The following RORA variants were observed in gnomAD, a reference collection of about 807,000 sequenced individuals.
RORA encodes the protein RAR related orphan receptor A, also known as nuclear receptor ROR-alpha.
Under a neutral mutation model 69.5 loss-of-function variants are expected in RORA, and 7 were observed. That is an observed-to-expected ratio of 0.10 (90% CI 0.06 to 0.19). The LOEUF is 0.19. Among genes scored for constraint, RORA ranks in the 10% least tolerant of loss-of-function variants. The pLI is 1.00. For missense variants in RORA, 457 were observed against 663.0 expected (o/e 0.69, Z 3.41); for synonymous variants, 261 against 240.8 (o/e 1.08, Z -0.78).
chr15:60,942,391 T>C (rs1892728060), intron 1 of RORA, among the ~76,000 whole-genome samples: 1 of 152,232 alleles, frequency 6.6e-6, no homozygotes, highest in Non-Finnish European at 1.5e-5. Context: ...GTTTGTCAAA[T>C]TGTCAAACCA....
intron 1 of RORA, among the ~76,000 whole-genome samples, chr15:61,102,818 C>T (rs1048459235): frequency 6.6e-6 from 1 of 152,154 alleles, no homozygotes; most frequent in Non-Finnish European, 1.5e-5. Context: ...TACATGACAG[C>T]GTGTTACACA....
chr15:60,972,405 C>G (rs1252965874), intron 1 of RORA, among the ~76,000 whole-genome samples: 1 of 152,308 alleles, frequency 6.6e-6, no homozygotes, highest in Admixed American at 6.5e-5. Flanking sequence ...AACTCCCCAA[C>G]CAAGCATCTG....
intron 1 of RORA, among the ~76,000 whole-genome samples, chr15:60,924,577 C>T (rs1007537149): frequency 1.3e-5 from 2 of 151,934 alleles, no homozygotes; most frequent in African/African-American, 4.8e-5. Context: ...AATTCTTGTC[C>T]TTGGATAAGT....
At chr15:60,778,262 C>T (rs1275833377) in intron 1 of RORA, among the ~76,000 whole-genome samples, 2 of 151,636 alleles carry the variant, frequency 1.3e-5, no homozygotes, top group African/African-American at 2.4e-5. Context: ...TTAATCTTTA[C>T]GGGTCTGATG....
intron 3 of RORA, chr15:60,528,250 A>T (rs2066423233): frequency 6.6e-6 from 1 of 152,178 alleles, no homozygotes; most frequent in African/African-American, 2.4e-5. Flanking sequence ...TTTTTTGTAG[A>T]GACAGAGTCT....
rs528674364 is a variant in RORA, at chr15:60,896,064, C to A, written c.167-217378G>T. ...CATCGTGGGGGCCCATGCTGTATTTCTGGGCAGTCTCTGGAGTCTATGACA... is the reference window on the plus strand; with the variant it reads ...CATCGTGGGGGCCCATGCTGTATTTATGGGCAGTCTCTGGAGTCTATGACA... On this transcript the variant is annotated intron_variant, in intron 1 of 10. Coordinates refer to ENST00000335670, the MANE Select transcript of RORA (RefSeq NM_134261.3). Among the ~76,000 whole-genome samples the A allele has an allele frequency of 1.5e-4, 23 of 152,258 alleles. No homozygotes were observed. The South Asian group carries it at 4.6e-3, about 30-fold the overall frequency.
chr15:60,514,385 C>T (rs1037202429), intron 4 of RORA, among the ~76,000 whole-genome samples: 1 of 152,134 alleles, frequency 6.6e-6, no homozygotes, highest in Non-Finnish European at 1.5e-5. Flanking sequence ...GACACTTCTC[C>T]TCCACACCAC....
At chr15:60,821,100 T>C (rs1394381817) in intron 1 of RORA, among the ~76,000 whole-genome samples, 4 of 152,172 alleles carry the variant, frequency 2.6e-5, no homozygotes, top group East Asian at 1.9e-4. Context: ...CTGTAGGGCC[T>C]AGGACCTTGG....
intron 2 of RORA, among the ~76,000 whole-genome samples, chr15:60,666,127 A>C (rs1168808828): frequency 1.3e-5 from 2 of 151,916 alleles, no homozygotes; most frequent in Non-Finnish European, 2.9e-5. Context: ...CACATAGTAG[A>C]TACTGATCAC....
intron 2 of RORA, among the ~76,000 whole-genome samples, chr15:60,588,809 C>G (rs1208417530): frequency 6.6e-6 from 1 of 152,168 alleles, no homozygotes; most frequent in Non-Finnish European, 1.5e-5. Flanking sequence ...TTATATGGTT[C>G]TCAATTCAAA....
At chr15:60,819,767 A>ACACACACGCG (rs1555455765) in intron 1 of RORA, among the ~76,000 whole-genome samples, 96 of 147,528 alleles carry the variant, frequency 6.5e-4, no homozygotes, top group Non-Finnish European at 8.7e-4. Flanking sequence ...ACACACACAC[A>ACACACACGCG]CACACACACA....
intron 1 of RORA, among the ~76,000 whole-genome samples, chr15:61,005,501 T>C (rs558790014): frequency 1.1e-4 from 17 of 152,140 alleles, no homozygotes; most frequent in South Asian, 4.2e-4. Flanking sequence ...ACAAAAGTTA[T>C]GCTTACAACA....
At chr15:60,787,605 G>T (rs2072355419) in intron 1 of RORA, among the ~76,000 whole-genome samples, 1 of 152,192 alleles carries the variant, frequency 6.6e-6, no homozygotes, top group South Asian at 2.1e-4. Context: ...ACTTATAAAG[G>T]CCAGGCCCTG....
At chr15:61,170,988 G>T (rs2079580061) in intron 1 of RORA, among the ~76,000 whole-genome samples, 1 of 152,192 alleles carries the variant, frequency 6.6e-6, no homozygotes, top group Non-Finnish European at 1.5e-5. Context: ...CTTTACAGGT[G>T]ACGACAGTAA....
chr15:61,081,795 A>G (rs2078545178), intron 1 of RORA, among the ~76,000 whole-genome samples: 2 of 149,322 alleles, frequency 1.3e-5, no homozygotes, highest in Non-Finnish European at 3.0e-5. Flanking sequence ...GCAACAGAGC[A>G]AGACTCTGTC....
At chr15:60,913,797 G>A (rs1397205743) in intron 1 of RORA, among the ~76,000 whole-genome samples, 4 of 152,188 alleles carry the variant, frequency 2.6e-5, no homozygotes, top group Admixed American at 6.5e-5. Context: ...GTCTATTAAA[G>A]GGGGTCTCAA....
intron 1 of RORA, among the ~76,000 whole-genome samples, chr15:61,045,061 T>C (rs1417777962): frequency 6.6e-6 from 1 of 152,210 alleles, no homozygotes; most frequent in Non-Finnish European, 1.5e-5. Context: ...TTAATCACCT[T>C]TCATTTTAGT....
rs956437100 is a variant in RORA, at chr15:60,670,202, TTTTTTTTTTTTC to T, written c.196+8443_196+8454del. Among the ~76,000 whole-genome samples, 58 of 9,310 alleles carry T rather than the reference TTTTTTTTTTTTC, an allele frequency of 6.2e-3. No individual in the cohort carries two copies. The South Asian group carries it at 0.17, about 27-fold the overall frequency. 6.1% of individuals were successfully genotyped at this position (9,310 alleles called of 152,430 possible). ...ACCTTAATCTAGTATATCCTACCTCTTTTTTTTTTTTCTTTTTTTTTTTTTGAGATGGAGTCC... is the reference window on the plus strand; with the variant it reads ...ACCTTAATCTAGTATATCCTACCTCTTTTTTTTTTTTTTGAGATGGAGTCC... On this transcript the variant is annotated intron_variant, in intron 2 of 10. Coordinates refer to ENST00000335670, the MANE Select transcript of RORA (RefSeq NM_134261.3).
At chr15:60,509,714 T>C (rs1199340083) in intron 5 of RORA, among the ~76,000 whole-genome samples, 1 of 151,906 alleles carries the variant, frequency 6.6e-6, no homozygotes, top group Non-Finnish European at 1.5e-5. Flanking sequence ...CTGAAAATTG[T>C]ACTTTCATTA....
Sources: gnomAD v4.1 joint callset for allele counts (sites outside exome capture counted in the v4.1 genomes callset) on GRCh38, gnomAD v4.1.1 for gene constraint, MANE v1.5 for transcripts, NCBI Gene and HGNC (gene_info 2026-07-23, HGNC 2026-07-21) for gene names.